The following AFM variants were observed in gnomAD, a reference collection of about 807,000 sequenced individuals.
AFM encodes the protein afamin, also known as alpha-Alb.
A neutral mutation model predicts 68.7 loss-of-function variants in AFM; 82 were observed. That is an observed-to-expected ratio of 1.19 (90% CI 1.00 to 1.43). The LOEUF (loss-of-function observed/expected upper bound fraction) is 1.43, where lower values mean the gene tolerates loss of function less well. AFM is among the 40% of genes most tolerant of loss of function. AFM has a pLI of 0.00. For missense variants in AFM, 772 were observed against 701.8 expected (o/e 1.10, Z -1.13); for synonymous variants, 250 against 234.2 (o/e 1.07, Z -0.61).
intron 1 of AFM, 122 bp downstream of exon 1, chr4:73,481,985 A>G (rs373320234): frequency 2.0e-5 from 14 of 698,800 alleles, no homozygotes; most frequent in African/African-American, 1.5e-4. Context: ...ACTAATTTAC[A>G]TAGGCTAACC....
Position 73,497,669 on chromosome 4 carries a change from G to T in AFM, c.1209G>T (p.Glu403Asp), listed in dbSNP as rs1721294288. 6.2e-7 allele frequency: 1 copy of T among 1,604,542 alleles called. No individual in the cohort carries two copies. The highest frequency in any genetic ancestry group is 8.5e-7 in the Non-Finnish European group (1 of 1,175,108). The change falls in exon 10 of 15, where the codon GAG (glutamate) becomes GAT (aspartate). Residue 403 changes from glutamate to aspartate, a missense_variant. Coordinates refer to ENST00000226355, the MANE Select transcript of AFM (RefSeq NM_001133.2). ...CYRYAEDKFN[E>D]TTEKSLKMVQ... ...ATTTTCAGGAAGACAAATTCAATGA[G>T]ACAACTGAGAAAAGCCTCAAGATGG...
intron 7 of AFM, among the ~76,000 whole-genome samples, chr4:73,491,628 G>A (rs1721072833): frequency 1.3e-5 from 2 of 152,152 alleles, no homozygotes; most frequent in African/African-American, 4.8e-5. Context: ...AATAATGGAT[G>A]TGAATCTATA....
chr4:73,481,828 A>T lies in AFM; in HGVS notation c.53A>T (p.Glu18Val). Residue 18 changes from glutamate to valine, a missense_variant, in exon 1 of 15, where the codon GAA becomes GTA. Coordinates refer to ENST00000226355, the MANE Select transcript of AFM (RefSeq NM_001133.2). The part of the protein sequence containing the change: ...GFIFFLFFLT[E>V]SLTLPTQPRD... ...ATTTTTTTCTTGTTTTTTTTGACTG[A>T]ATCCCTAACCCTGCCCACACAACCT... The T allele has an allele frequency of 1.9e-6, 3 of 1,609,018 alleles. No individual in the cohort carries two copies. The highest frequency in any genetic ancestry group is 2.5e-6 in the Non-Finnish European group (3 of 1,177,670).
At chr4:73,499,404 GAA>G (rs1171118892) in intron 11 of AFM, among the ~76,000 whole-genome samples, 158 bp downstream of exon 11, 1 of 151,892 alleles carries the variant, frequency 6.6e-6, no homozygotes, top group Non-Finnish European at 1.5e-5. Context: ...CTCACTTTGT[GAA>G]AACCCTAAGA....
At chr4:73,492,848 A>G (rs1350540205) in intron 8 of AFM, among the ~76,000 whole-genome samples, 1 of 150,704 alleles carries the variant, frequency 6.6e-6, no homozygotes, top group East Asian at 1.9e-4. Context: ...GTAATGTAAT[A>G]TAATCCAGGG....
intron 1 of AFM, among the ~76,000 whole-genome samples, chr4:73,482,502 G>A (rs961614849): frequency 1.3e-5 from 2 of 152,178 alleles, no homozygotes; most frequent in Admixed American, 6.5e-5. Context: ...TGGCCCTGAA[G>A]GCATGGATCG....
In AFM at chr4:73,481,814, G is replaced by GC. The variant is rs1553893709; in HGVS notation, c.39_40insC (p.Phe14LeufsTer5). On this transcript the variant is annotated frameshift_variant, in exon 1 of 15. Coordinates refer to ENST00000226355, the MANE Select transcript of AFM (RefSeq NM_001133.2). LOFTEE classifies it high-confidence loss of function. ...AACTTACAGGTTTTATTTTTTTCTT[G>GC]TTTTTTTTGACTGAATCCCTAACCC... 1 of 1,603,328 alleles carries GC rather than the reference G, an allele frequency of 6.2e-7. No homozygotes were observed. Among genetic ancestry groups the GC allele is most frequent in the Non-Finnish European group, 8.5e-7 (1 of 1,174,538 alleles).
intron 13 of AFM, 34 bp downstream of exon 13, chr4:73,501,953 G>T (rs1220236862): frequency 6.2e-7 from 1 of 1,603,004 alleles, no homozygotes; most frequent in Non-Finnish European, 8.5e-7. Flanking sequence ...AAATTCAACT[G>T]GTTTTCCTGG....
intron 1 of AFM, among the ~76,000 whole-genome samples, chr4:73,482,995 C>T (rs1394940754): frequency 6.6e-6 from 1 of 152,168 alleles, no homozygotes; most frequent in Admixed American, 6.5e-5. Context: ...AATCTGGGCC[C>T]AGGTTCTTTC....
At position 73,499,113 on chromosome 4, in the gene AFM, G is replaced by A. The variant is rs760097392; in HGVS notation, c.1290-1G>A. 2 of 1,609,488 alleles carry A rather than the reference G, an allele frequency of 1.2e-6. No individual in the cohort carries two copies. Among genetic ancestry groups the A allele is most frequent in the Non-Finnish European group, 8.5e-7 (1 of 1,177,774 alleles). ...AACCAAACAGACAAATGTTCTTTCA[G>A]TTACCTCATCAGGCTCACGAAGATA... On this transcript the variant is annotated splice_acceptor_variant, in intron 10 of 14. Coordinates refer to ENST00000226355, the MANE Select transcript of AFM (RefSeq NM_001133.2). LOFTEE classifies it high-confidence loss of function.
intron 1 of AFM, 138 bp downstream of exon 1, chr4:73,482,001 T>C (rs1577970276): frequency 3.2e-6 from 2 of 627,248 alleles, no homozygotes; most frequent in Non-Finnish European, 2.8e-6. Flanking sequence ...TAACCAGTTA[T>C]CCAAAACTAA....
chr4:73,494,923 A>G (rs959081178), intron 8 of AFM, among the ~76,000 whole-genome samples: 9 of 152,374 alleles, frequency 5.9e-5, no homozygotes, highest in Admixed American at 5.2e-4. Context: ...CCATATTCCC[A>G]GCATGTCAAG....
intron 8 of AFM, among the ~76,000 whole-genome samples, chr4:73,494,665 C>A (rs1490001128): frequency 6.6e-6 from 1 of 152,062 alleles, no homozygotes; most frequent in Non-Finnish European, 1.5e-5. Context: ...TCTGTTATGC[C>A]CAAAGTTTGA....
rs1473242687 is a variant in AFM, at chr4:73,488,645, C to T, written c.729C>T (p.Leu243=). Residue 243 remains leucine, a synonymous_variant, in exon 7 of 15, where the codon CTC becomes CTT. Transcript: ENST00000226355. ...KVVHFIYIAI[L]SQKFPKIEFK... ...CTCTTTCCAGATATATTGCGATACT[C>T]AGTCAAAAATTCCCCAAGATTGAAT... 3.1e-6 allele frequency: 5 copies of T among 1,610,348 alleles called. No homozygotes were observed. Among genetic ancestry groups the T allele is most frequent in the African/African-American group, 1.3e-5 (1 of 74,796 alleles).
At chr4:73,482,532 A>T (rs1720743629) in intron 1 of AFM, among the ~76,000 whole-genome samples, 1 of 152,156 alleles carries the variant, frequency 6.6e-6, no homozygotes, top group Non-Finnish European at 1.5e-5. Context: ...TGTCTTACTC[A>T]ATTTGACATG....
intron 8 of AFM, among the ~76,000 whole-genome samples, chr4:73,492,401 T>G (rs1199976634): frequency 2.0e-5 from 3 of 152,232 alleles, no homozygotes; most frequent in Admixed American, 2.0e-4. Context: ...TCCCAGTTTT[T>G]CAGATGAGCA....
rs746609442 is a variant in AFM at position 73,481,812 on chromosome 4, T to A, written c.37T>A (p.Leu13Met). Residue 13 changes from leucine (L) to methionine (M), a missense_variant, in exon 1 of 15, where the codon TTG becomes ATG. By Grantham distance (15) the Leu-to-Met change is conservative. Coordinates refer to ENST00000226355, the MANE Select transcript of AFM (RefSeq NM_001133.2). Reference sequence around the variant, plus strand: ...AAAACTTACAGGTTTTATTTTTTTCTTGTTTTTTTTGACTGAATCCCTAAC... The same window carrying A: ...AAAACTTACAGGTTTTATTTTTTTCATGTTTTTTTTGACTGAATCCCTAAC... Reference protein sequence around the residue: ...LLKLTGFIFFLFFLTESLTLP... With the variant: ...LLKLTGFIFFMFFLTESLTLP... 2.5e-6 allele frequency: 4 copies of A among 1,607,700 alleles called. No homozygotes were observed. In the Admixed American group the frequency reaches 5.1e-5, roughly 20 times the overall value.
chr4:73,485,045 A>G (rs1473668719), intron 3 of AFM, among the ~76,000 whole-genome samples: 1 of 152,222 alleles, frequency 6.6e-6, no homozygotes, highest in African/African-American at 2.4e-5. Flanking sequence ...CAGTATGTAT[A>G]CAGTATGCCC....
At chr4:73,497,881 T>A in intron 10 of AFM, 132 bp downstream of exon 10, 1 of 493,888 alleles carries the variant, frequency 2.0e-6, no homozygotes, top group Middle Eastern at 2.9e-4. Context: ...AATTTTTTTT[T>A]AAAGTCAAGA....
Sources: allele counts gnomAD v4.1 joint callset (sites outside exome capture counted in the v4.1 genomes callset), GRCh38; gene constraint gnomAD v4.1.1; transcripts MANE v1.5; gene names NCBI Gene and HGNC (gene_info 2026-07-23, HGNC 2026-07-21).